The following TM7SF3 variants were observed in gnomAD, a reference collection of about 807,000 sequenced individuals.
TM7SF3 encodes transmembrane 7 superfamily member 3.
Under a neutral mutation model 65.5 loss-of-function variants are expected in TM7SF3, and 60 were observed. The ratio of observed to expected loss-of-function variants is 0.92; its 90% CI spans 0.74 to 1.14. The LOEUF (loss-of-function observed/expected upper bound fraction) is 1.14. Among genes scored for constraint, TM7SF3 ranks in the 50% most tolerant of loss-of-function variants. The pLI is 0.00. For synonymous variants in TM7SF3, 264 were observed against 259.6 expected, an observed-to-expected ratio of 1.02 and a Z score of -0.16; for missense variants, 623 against 684.8, an observed-to-expected ratio of 0.91 and a Z score of 1.01.
chr12:27,014,275 G>GCGCCATCGCC lies in TM7SF3; in HGVS notation c.-117_-108dup. On this transcript the variant is annotated 5_prime_UTR_variant, in exon 1 of 12. In the 5' UTR this introduces an upstream ATG that the reference lacks. Coordinates refer to ENST00000343028, the MANE Select transcript of TM7SF3 (RefSeq NM_016551.3). ...CGCTATCCCGGGGCGCCCGCATCGG[G>GCGCCATCGCC]CGCCATCGCCCGCCAGGTGCAGACG... 1.9e-6 allele frequency: 2 copies of GCGCCATCGCC among 1,033,144 alleles called. No homozygotes were observed. The highest frequency in any genetic ancestry group is 2.7e-6 in the Non-Finnish European group (2 of 753,070). 64.0% of individuals were successfully genotyped at this position (1,033,144 alleles called of 1,614,324 possible). A position where few individuals can be genotyped will look rare whatever the true frequency, so the allele number is the denominator to read the frequency against.
chr12:26,975,850 C>G, intron 10 of TM7SF3, 192 bp from the exon 11 acceptor site: 3 of 586,220 alleles, frequency 5.1e-6, no homozygotes, highest in Non-Finnish European at 8.9e-6. Context: ...CATATGAGTT[C>G]TTAAAACACA....
At chr12:26,997,358 G>A (rs1268155449) in intron 3 of TM7SF3, among the ~76,000 whole-genome samples, 1 of 152,130 alleles carries the variant, frequency 6.6e-6, no homozygotes, top group Non-Finnish European at 1.5e-5. Flanking sequence ...GTGTATATAT[G>A]TTTCAATATC....
intron 11 of TM7SF3, among the ~76,000 whole-genome samples, chr12:26,974,993 C>T (rs1592267254): frequency 6.6e-6 from 1 of 152,272 alleles, no homozygotes; most frequent in East Asian, 1.9e-4. Flanking sequence ...ATGTGGTAGT[C>T]ATTTTTTTCT....
At chr12:27,002,887 A>G (rs1429752278) in intron 2 of TM7SF3, among the ~76,000 whole-genome samples, 1 of 152,266 alleles carries the variant, frequency 6.6e-6, no homozygotes, top group Non-Finnish European at 1.5e-5. Context: ...CCCATTAAAC[A>G]TATATTCTCA....
At chr12:27,009,883 G>A (rs1941182301) in intron 1 of TM7SF3, among the ~76,000 whole-genome samples, 1 of 152,154 alleles carries the variant, frequency 6.6e-6, no homozygotes, top group Non-Finnish European at 1.5e-5. Context: ...TAACATCTGT[G>A]TGAAAATACT....
intron 1 of TM7SF3, among the ~76,000 whole-genome samples, chr12:27,009,404 A>C (rs993986032): frequency 1.3e-5 from 2 of 151,848 alleles, no homozygotes; most frequent in African/African-American, 4.8e-5. Flanking sequence ...AATTTCCGAT[A>C]TTCCTCTATT....
intron 11 of TM7SF3, among the ~76,000 whole-genome samples, chr12:26,974,529 G>T (rs1359630768): frequency 6.6e-6 from 1 of 152,180 alleles, no homozygotes; most frequent in Non-Finnish European, 1.5e-5. Flanking sequence ...ACAGTTGTTT[G>T]TGTGTTTTTT....
chr12:26,999,894 T>G lies in TM7SF3; in HGVS notation c.247-218A>C, dbSNP rs117829707. 1,028 of 486,482 alleles carry G rather than the reference T, an allele frequency of 2.1e-3. 15 individuals carry two copies. In the East Asian group the frequency reaches 0.028, roughly 13 times the overall value. 30.1% of individuals were successfully genotyped at this position (486,482 alleles called of 1,614,324 possible). Reference sequence around the variant, plus strand: ...TTGAAAAATATACGATTGTCTTAGTTAAGGCTGCTATAACAAAGTACCACA... The same window carrying G: ...TTGAAAAATATACGATTGTCTTAGTGAAGGCTGCTATAACAAAGTACCACA... On this transcript the variant is annotated intron_variant, in intron 2 of 11. Coordinates refer to ENST00000343028, the MANE Select transcript of TM7SF3 (RefSeq NM_016551.3).
intron 9 of TM7SF3, chr12:26,979,407 C>T (rs1047618289): frequency 6.9e-5 from 13 of 188,070 alleles, no homozygotes; most frequent in African/African-American, 1.9e-4. Flanking sequence ...GGTTTGGCAG[C>T]GGATGGGAGT....
In TM7SF3 at chr12:27,014,219, C is replaced by A. The variant is rs1378398263; in HGVS notation, c.-51G>T. ...CGCCAGGGCTGGGGAGAGGTGCGGG[C>A]GTGCGCGCCGGGGCCCCGCAGCCTC... On this transcript the variant is annotated 5_prime_UTR_variant, in exon 1 of 12. Transcript: ENST00000343028. The A allele has an allele frequency of 1.3e-5, 20 of 1,525,588 alleles. No homozygotes were observed. Among genetic ancestry groups the A allele is most frequent in the Non-Finnish European group, 1.4e-5 (16 of 1,130,648 alleles). The allele number at this position is 1,525,588 out of a possible 1,614,324, so 94.5% of individuals were successfully genotyped here.
chr12:27,006,428 C>T (rs1216154248), intron 1 of TM7SF3, among the ~76,000 whole-genome samples: 5 of 152,076 alleles, frequency 3.3e-5, no homozygotes, highest in Admixed American at 6.5e-5. Flanking sequence ...TGAGCCACCA[C>T]GCCAGGCCAA....
chr12:26,979,012 A>G (rs572186351), intron 9 of TM7SF3: 7 of 152,224 alleles, frequency 4.6e-5, no homozygotes, highest in Non-Finnish European at 1.0e-4. Context: ...CAGTAGTCTT[A>G]GAAAAAAAAA....
chr12:27,003,215 A>G (rs1274350098), intron 2 of TM7SF3, 21 bp downstream of exon 2: 1 of 1,564,036 alleles, frequency 6.4e-7, no homozygotes, highest in Non-Finnish European at 8.7e-7. Context: ...GATTTTTACT[A>G]AAATAATTCT....
chr12:27,003,496 G>T, intron 1 of TM7SF3, 106 bp from the exon 2 acceptor site: 1 of 1,096,762 alleles, frequency 9.1e-7, no homozygotes, highest in Non-Finnish European at 1.3e-6. Flanking sequence ...AAAACTCCTT[G>T]AGGTAAATAT....
rs1482264239 is a variant in TM7SF3, at chr12:26,973,291, TCA to T, written c.*672_*673del. ...TCAGGGCTCCAGGGATCCTCCCATC[TCA>T]GTCTCCTTGGGAGCTGGGAGTAGGC... On this transcript the variant is annotated 3_prime_UTR_variant, in exon 12 of 12. Transcript: ENST00000343028. 1 of 152,044 alleles carries T rather than the reference TCA, an allele frequency of 6.6e-6. No homozygotes were observed. Among genetic ancestry groups the T allele is most frequent in the Non-Finnish European group, 1.5e-5 (1 of 68,034 alleles). The allele number at this position is 152,044 out of a possible 1,614,324, so 9.4% of individuals were successfully genotyped here. A position where few individuals can be genotyped will look rare whatever the true frequency, so the allele number is the denominator to read the frequency against.
At chr12:26,993,437 C>T (rs1940461338) in intron 5 of TM7SF3, among the ~76,000 whole-genome samples, 1 of 152,144 alleles carries the variant, frequency 6.6e-6, no homozygotes, top group African/African-American at 2.4e-5. Context: ...ATCCAATGGA[C>T]TAAATTCAGG....
chr12:26,983,977 G>A (rs1014984467), intron 6 of TM7SF3, among the ~76,000 whole-genome samples: 5 of 152,140 alleles, frequency 3.3e-5, no homozygotes, highest in Non-Finnish European at 7.4e-5. Context: ...ATAAAACAAG[G>A]CTGCCACAAA....
chr12:26,996,880 A>T lies in TM7SF3; in HGVS notation c.398-18T>A, dbSNP rs748373807. 1.7e-5 allele frequency: 27 copies of T among 1,595,852 alleles called. No individual in the cohort carries two copies. The highest frequency in any genetic ancestry group is 2.3e-5 in the Non-Finnish European group (27 of 1,174,316). On this transcript the variant is annotated intron_variant, in intron 3 of 11. Coordinates refer to ENST00000343028, the MANE Select transcript of TM7SF3 (RefSeq NM_016551.3). Reference sequence around the variant, plus strand: ...GACAGGATCTGGATAAGAAATAGGGAAGTTACTAAACAAACAATTCCTACA... The same window carrying T: ...GACAGGATCTGGATAAGAAATAGGGTAGTTACTAAACAAACAATTCCTACA...
Position 26,999,612 on chromosome 12 carries a change from T to G in TM7SF3, c.311A>C (p.Glu104Ala). 1 of 1,614,128 alleles carries G rather than the reference T, an allele frequency of 6.2e-7. No homozygotes were observed. Among genetic ancestry groups the G allele is most frequent in the Non-Finnish European group, 8.5e-7 (1 of 1,180,008 alleles). ...ASGLVFILRP[E>A]QSTCTWYLGT... ...CAAGTACCAAGTGCATGTACTCTGC[T>G]CTGGTCTAAGGATGAAAACCAGTCC... Residue 104 changes from glutamate to alanine, a missense_variant, in exon 3 of 12, where the codon GAG (glutamate) becomes GCG (alanine). Physicochemically the swap from Glu to Ala is moderately radical, Grantham distance 107. Transcript: ENST00000343028.
Sources: allele counts gnomAD v4.1 joint callset (sites outside exome capture counted in the v4.1 genomes callset), GRCh38; gene constraint gnomAD v4.1.1; transcripts MANE v1.5; gene names NCBI Gene and HGNC (gene_info 2026-07-23, HGNC 2026-07-21).